The following NOTCH2NLB variants were observed in gnomAD, a reference collection of about 807,000 sequenced individuals.
NOTCH2NLB encodes the protein notch 2 N-terminal like B, also known as notch homolog 2 N-terminal-like protein B.
In NOTCH2NLB, 1 loss-of-function variant was observed where a neutral mutation model predicts 14.8. That is an observed-to-expected ratio of 0.07 (90% CI 0.02 to 0.32). The LOEUF is 0.32. NOTCH2NLB is among the 10% of genes least tolerant of loss of function. The pLI, the probability that NOTCH2NLB is intolerant of heterozygous loss-of-function variation, is 1.00. For missense variants in NOTCH2NLB, 11 were observed against 155.0 expected, an observed-to-expected ratio of 0.07 and a Z score of 4.93; for synonymous variants, 6 against 57.5, an observed-to-expected ratio of 0.10 and a Z score of 4.05.
At chr1:148,634,267 T>C (rs1664173052) in intron 2 of NOTCH2NLB, among the ~76,000 whole-genome samples, 1 of 149,362 alleles carries the variant, frequency 6.7e-6, no homozygotes, top group African/African-American at 2.4e-5. Context: ...TTCAGCTAAA[T>C]AGGCACCGTA....
chr1:148,670,565 T>TAC (rs1664755190), intron 1 of NOTCH2NLB, among the ~76,000 whole-genome samples: 194 of 139,046 alleles, frequency 1.4e-3, no homozygotes, highest in African/African-American at 4.7e-3. Flanking sequence ...TATATATATA[T>TAC]ATATATATAT....
At chr1:148,661,341 C>G (rs1317770979) in intron 1 of NOTCH2NLB, among the ~76,000 whole-genome samples, 12 of 150,060 alleles carry the variant, frequency 8.0e-5, no homozygotes, top group Non-Finnish European at 1.2e-4. Context: ...ATTCCTCCTC[C>G]CAACACACAC....
chr1:148,613,427 T>G (rs1343260791), intron 3 of NOTCH2NLB, among the ~76,000 whole-genome samples: 2 of 150,148 alleles, frequency 1.3e-5, no homozygotes, highest in Non-Finnish European at 3.0e-5. Flanking sequence ...GAGATTAACA[T>G]TTGAGTCAGT....
chr1:148,679,736 G>C (rs1327071518), exon 1 of NOTCH2NLB: 1 of 970,622 alleles, frequency 1.0e-6, no homozygotes, highest in African/African-American at 1.8e-5. Flanking sequence ...TCAGCCGCCC[G>C]AAGTTTGGCT....
chr1:148,651,162 A>AATATATATACATAT (rs1664501513), intron 1 of NOTCH2NLB, among the ~76,000 whole-genome samples: 2 of 46,042 alleles, frequency 4.3e-5, no homozygotes, highest in Non-Finnish European at 8.3e-5. Flanking sequence ...AAAAAAAAAA[A>AATATATATACATAT]ATATATATAT....
At chr1:148,701,024 T>C in the NOTCH2NLB span, among the ~76,000 whole-genome samples, 1 of 59,716 alleles carries the variant, frequency 1.7e-5, no homozygotes, top group African/African-American at 5.9e-5. Flanking sequence ...TTAGACTATG[T>C]GGAGGCAGGA....
intron 3 of NOTCH2NLB, among the ~76,000 whole-genome samples, chr1:148,610,453 C>T (rs1255485814): frequency 8.1e-6 from 1 of 124,192 alleles, no homozygotes; most frequent in African/African-American, 3.4e-5. Context: ...TATGTATAGG[C>T]ACTAACTTGC....
downstream of NOTCH2NLB, among the ~76,000 whole-genome samples, chr1:148,602,275 A>AG (rs1663391148): frequency 1.4e-5 from 1 of 70,852 alleles, no homozygotes; most frequent in African/African-American, 9.6e-5. Context: ...AAAAAAAAAA[A>AG]AAAAAGAAAA....
At chr1:148,649,601 C>G (rs1664448642) in intron 1 of NOTCH2NLB, among the ~76,000 whole-genome samples, 1 of 151,044 alleles carries the variant, frequency 6.6e-6, no homozygotes, top group Non-Finnish European at 1.5e-5. Context: ...AGCTCCTCCT[C>G]CTGGGTTCAC....
At chr1:148,610,411 GA>G (rs1324495330) in intron 3 of NOTCH2NLB, among the ~76,000 whole-genome samples, 1 of 128,904 alleles carries the variant, frequency 7.8e-6, no homozygotes, top group Non-Finnish European at 1.6e-5. Context: ...AAGAAAGAAA[GA>G]ATCAACCCTG....
intron 3 of NOTCH2NLB, among the ~76,000 whole-genome samples, chr1:148,610,366 AAAGAAAG>A (rs1663657747): frequency 8.3e-6 from 1 of 121,048 alleles, no homozygotes; most frequent in African/African-American, 3.5e-5. Context: ...AGAAAGAAAG[AAAGAAAG>A]AGAAAGAAAG....
At chr1:148,616,152 TG>T (rs1663788882) in intron 2 of NOTCH2NLB, among the ~76,000 whole-genome samples, 1 of 98,568 alleles carries the variant, frequency 1.0e-5, no homozygotes, top group African/African-American at 3.3e-5. Context: ...TTTTGAGTCC[TG>T]GCAGGTGACA....
intron 2 of NOTCH2NLB, among the ~76,000 whole-genome samples, chr1:148,634,146 TTAATG>T (rs1337439315): frequency 8.7e-6 from 1 of 114,718 alleles, no homozygotes; most frequent in Non-Finnish European, 1.9e-5. Flanking sequence ...TGAGAGGTAT[TTAATG>T]AGCCAAAAAA....
intron 1 of NOTCH2NLB, among the ~76,000 whole-genome samples, chr1:148,645,832 T>G (rs1245411788): frequency 6.6e-6 from 1 of 150,776 alleles, no homozygotes; most frequent in Non-Finnish European, 1.5e-5. Context: ...CTCTCTGCTT[T>G]TTCACTTTTA....
chr1:148,700,134 G>T, the NOTCH2NLB span, among the ~76,000 whole-genome samples: 1 of 59,414 alleles, frequency 1.7e-5, no homozygotes, highest in African/African-American at 5.3e-5. Context: ...GCAGTGTTTG[G>T]TTCTCTGTCC....
intron 2 of NOTCH2NLB, among the ~76,000 whole-genome samples, chr1:148,625,339 CTTTTTT>C (rs1156615359): frequency 1.7e-5 from 1 of 59,858 alleles, no homozygotes; most frequent in Admixed American, 1.6e-4. Flanking sequence ...CTGTCTTTAG[CTTTTTT>C]TTTTTTTTTT....
chr1:148,651,162 A>ATATATAGAT (rs1325402394), intron 1 of NOTCH2NLB, among the ~76,000 whole-genome samples: 1 of 46,042 alleles, frequency 2.2e-5, no homozygotes, highest in Non-Finnish European at 4.2e-5. Flanking sequence ...AAAAAAAAAA[A>ATATATAGAT]ATATATATAT....
intron 1 of NOTCH2NLB, among the ~76,000 whole-genome samples, chr1:148,673,631 G>A (rs1664793852): frequency 6.9e-6 from 1 of 145,824 alleles, no homozygotes; most frequent in African/African-American, 2.5e-5. Context: ...CGAAAATGCT[G>A]GATTTCGCAA....
At chr1:148,638,386 A>G (rs1403604043) in intron 2 of NOTCH2NLB, among the ~76,000 whole-genome samples, 3 of 149,176 alleles carry the variant, frequency 2.0e-5, no homozygotes, top group African/African-American at 7.5e-5. Flanking sequence ...AATGACCATA[A>G]TGCAATGGGG....
Sources: gnomAD v4.1 joint callset for allele counts (sites outside exome capture counted in the v4.1 genomes callset) on GRCh38, gnomAD v4.1.1 for gene constraint, MANE v1.5 for transcripts, NCBI Gene and HGNC (gene_info 2026-07-23, HGNC 2026-07-21) for gene names.